Variants in UGT2A3 observed in about 807,000 individuals in gnomAD.
UGT2A3 encodes the protein UDP-glucuronosyltransferase 2A3.
In UGT2A3, 55 loss-of-function variants were observed where a neutral mutation model predicts 44.1. That is an observed-to-expected ratio of 1.25 (90% CI 1.00 to 1.56). The LOEUF (loss-of-function observed/expected upper bound fraction) is 1.56, where lower values mean the gene tolerates loss of function less well. UGT2A3 is among the 40% of genes most tolerant of loss of function. The probability of loss-of-function intolerance (pLI) is 0.00; values close to 1 mark genes in which losing one functional copy is unlikely to be tolerated. For missense variants in UGT2A3, 733 were observed against 621.6 expected (o/e 1.18, Z -1.91); for synonymous variants, 243 against 215.1 (o/e 1.13, Z -1.13).
At chr4:68,939,116 A>G (rs1345040902) in intron 2 of UGT2A3, among the ~76,000 whole-genome samples, 1 of 152,206 alleles carries the variant, frequency 6.6e-6, no homozygotes, top group East Asian at 1.9e-4. Context: ...GAAAATGGAC[A>G]TACTGTCCAA....
chr4:68,932,051 C>T (rs1717756838), intron 3 of UGT2A3, among the ~76,000 whole-genome samples: 1 of 151,658 alleles, frequency 6.6e-6, no homozygotes, highest in African/African-American at 2.4e-5. Context: ...GTGTGAAATT[C>T]TAGAATTACA....
chr4:68,941,091 T>C (rs1718171079), intron 2 of UGT2A3, among the ~76,000 whole-genome samples: 1 of 151,696 alleles, frequency 6.6e-6, no homozygotes, highest in South Asian at 2.1e-4. Context: ...CTAGTTGTTT[T>C]ACAAAACCTG....
intron 1 of UGT2A3, among the ~76,000 whole-genome samples, chr4:68,950,431 C>G (rs1307218310): frequency 3.3e-5 from 5 of 151,794 alleles, no homozygotes; most frequent in Non-Finnish European, 2.9e-5. Flanking sequence ...CAGCTCTGAT[C>G]ACAACTATAT....
intron 5 of UGT2A3, among the ~76,000 whole-genome samples, 179 bp from the exon 6 acceptor site, chr4:68,930,271 T>A (rs987237065): frequency 6.6e-6 from 1 of 152,052 alleles, no homozygotes; most frequent in African/African-American, 2.4e-5. Context: ...GTGGAGAGAC[T>A]GAAAGAGTAT....
chr4:68,945,346 A>G lies in UGT2A3; in HGVS notation c.824T>C (p.Val275Ala). Residue 275 changes from valine to alanine, a missense_variant, in exon 2 of 6, where the codon GTT becomes GCT. Transcript: ENST00000251566. ...GGCAGGTTTACAGTGCAATCCTCCA[A>G]CAAACTCAAAGTTAGGTTGGTATGG... ...PQPYQPNFEF[V>A]GGLHCKPAKA... The G allele has an allele frequency of 6.2e-7, 1 of 1,611,552 alleles. No homozygotes were observed. Among genetic ancestry groups the G allele is most frequent in the Admixed American group, 1.7e-5 (1 of 59,714 alleles).
At chr4:68,930,221 G>A in intron 5 of UGT2A3, 129 bp from the exon 6 acceptor site, 7 of 1,093,212 alleles carry the variant, frequency 6.4e-6, no homozygotes, top group Non-Finnish European at 9.1e-6. Flanking sequence ...TTCTGGTTGT[G>A]ACATGAATAT....
At chr4:68,942,733 A>C (rs1481800013) in intron 2 of UGT2A3, among the ~76,000 whole-genome samples, 1 of 151,466 alleles carries the variant, frequency 6.6e-6, no homozygotes, top group African/African-American at 2.4e-5. Flanking sequence ...AGAGAGTAGA[A>C]TTGTGGTTAC....
rs989706460 is a variant in UGT2A3 at position 68,928,469 on chromosome 4, A to G, written c.*1344T>C. 6 of 152,128 alleles carry G rather than the reference A, an allele frequency of 3.9e-5. No individual in the cohort carries two copies. The highest frequency in any genetic ancestry group is 8.8e-5 in the Non-Finnish European group (6 of 68,014). 9.4% of individuals were successfully genotyped at this position (152,128 alleles called of 1,614,324 possible). ...GTGTAAAAACTTAAGAAACTTTCAAAACAGTAAACAATTTTATTTATATTT... is the reference window on the plus strand; with the variant it reads ...GTGTAAAAACTTAAGAAACTTTCAAGACAGTAAACAATTTTATTTATATTT... On this transcript the variant is annotated 3_prime_UTR_variant, in exon 6 of 6. Coordinates refer to ENST00000251566, the MANE Select transcript of UGT2A3 (RefSeq NM_024743.4).
At chr4:68,950,886 T>C (rs1718557391) in intron 1 of UGT2A3, among the ~76,000 whole-genome samples, 160 bp downstream of exon 1, 1 of 151,934 alleles carries the variant, frequency 6.6e-6, no homozygotes, top group Non-Finnish European at 1.5e-5. Context: ...AAGTAGGTTA[T>C]CTTACGCTTA....
At chr4:68,950,966 T>C (rs890409394) in intron 1 of UGT2A3, 80 bp downstream of exon 1, 2 of 969,388 alleles carry the variant, frequency 2.1e-6, no homozygotes, top group Non-Finnish European at 2.9e-6. Flanking sequence ...CCTGCATATA[T>C]ATGTCATAGA....
intron 3 of UGT2A3, among the ~76,000 whole-genome samples, 172 bp from the exon 4 acceptor site, chr4:68,931,414 A>G (rs1166939035): frequency 7.9e-5 from 12 of 152,046 alleles, no homozygotes; most frequent in Admixed American, 5.2e-4. Context: ...TTTTACAAAG[A>G]TCTTTTAAAA....
At chr4:68,947,758 G>A (rs2109796003) in intron 1 of UGT2A3, among the ~76,000 whole-genome samples, 1 of 151,888 alleles carries the variant, frequency 6.6e-6, no homozygotes, top group African/African-American at 2.4e-5. Context: ...ATTAATATCT[G>A]TACATCTTAA....
At chr4:68,932,904 C>A in intron 2 of UGT2A3, 145 bp from the exon 3 acceptor site, 1 of 798,090 alleles carries the variant, frequency 1.3e-6, no homozygotes, top group Admixed American at 2.9e-5. Context: ...ACAGAACTAT[C>A]TAGTCTCTTT....
At chr4:68,945,225 C>T in intron 2 of UGT2A3, 81 bp downstream of exon 2, 4 of 1,530,258 alleles carry the variant, frequency 2.6e-6, no homozygotes, top group Non-Finnish European at 2.7e-6. Context: ...CATCATCCTT[C>T]TATAACTAAG....
chr4:68,946,803 G>T (rs1024785918), intron 1 of UGT2A3, among the ~76,000 whole-genome samples: 1 of 151,544 alleles, frequency 6.6e-6, no homozygotes, highest in Admixed American at 6.6e-5. Context: ...AAAGGAATAT[G>T]CCAATAAAGT....
At position 68,929,564 on chromosome 4, in the gene UGT2A3, A is replaced by ATTTTC. The variant is rs1717640344; in HGVS notation, c.*248_*249insGAAAA. ...ATGACATCATCAAAACAGTCATATCAGAAATAGGAAAATTTAGATGTATTC... is the reference window on the plus strand; with the variant it reads ...ATGACATCATCAAAACAGTCATATCATTTTCGAAATAGGAAAATTTAGATGTATTC... On this transcript the variant is annotated 3_prime_UTR_variant, in exon 6 of 6. Coordinates refer to ENST00000251566, the MANE Select transcript of UGT2A3 (RefSeq NM_024743.4). 2 of 344,936 alleles carry ATTTTC rather than the reference A, an allele frequency of 5.8e-6. No individual in the cohort carries two copies. Among genetic ancestry groups the ATTTTC allele is most frequent in the Non-Finnish European group, 1.1e-5 (2 of 189,022 alleles). The allele number at this position is 344,936 out of a possible 1,614,324, so 21.4% of individuals were successfully genotyped here. A position where few individuals can be genotyped will look rare whatever the true frequency, so the allele number is the denominator to read the frequency against.
At position 68,930,692 on chromosome 4, in the gene UGT2A3, G is replaced by C; in HGVS notation, c.1158C>G (p.Val386=). The change falls in exon 5 of 6, where the codon GTC becomes GTG. Residue 386 remains valine, a synonymous_variant. Transcript: ENST00000251566. ...CAAATATGGGAACTCCCACCATAGG[G>C]ACCCCATGGTAAATAGCTTCATAGA... The part of the protein sequence containing the change: ...NGIYEAIYHG[V]PMVGVPIFGD... The C allele has an allele frequency of 6.2e-7, 1 of 1,613,202 alleles. No individual in the cohort carries two copies. The highest frequency in any genetic ancestry group is 8.5e-7 in the Non-Finnish European group (1 of 1,179,514).
chr4:68,945,983 T>G (rs1022398700), intron 1 of UGT2A3, among the ~76,000 whole-genome samples: 1 of 151,610 alleles, frequency 6.6e-6, no homozygotes, highest in Non-Finnish European at 1.5e-5. Context: ...CTTGCTGTAT[T>G]GCATATCATT....
At position 68,928,743 on chromosome 4, in the gene UGT2A3, G is replaced by A. The variant is rs1156500186; in HGVS notation, c.*1070C>T. The A allele has an allele frequency of 2.0e-5, 3 of 151,790 alleles. No individual in the cohort carries two copies. Among genetic ancestry groups the A allele is most frequent in the Non-Finnish European group, 4.4e-5 (3 of 67,866 alleles). 9.4% of individuals were successfully genotyped at this position (151,790 alleles called of 1,614,324 possible). A position where few individuals can be genotyped will look rare whatever the true frequency, so the allele number is the denominator to read the frequency against. Reference sequence around the variant, plus strand: ...ACATTATTACACTATATTTAGCTTTGTGTAGAGCTTTACATATCAAAATAT... The same window carrying A: ...ACATTATTACACTATATTTAGCTTTATGTAGAGCTTTACATATCAAAATAT... On this transcript the variant is annotated 3_prime_UTR_variant, in exon 6 of 6. Coordinates refer to ENST00000251566, the MANE Select transcript of UGT2A3 (RefSeq NM_024743.4).
Sources: allele counts gnomAD v4.1 joint callset (sites outside exome capture counted in the v4.1 genomes callset), GRCh38; gene constraint gnomAD v4.1.1; transcripts MANE v1.5; gene names NCBI Gene and HGNC (gene_info 2026-07-23, HGNC 2026-07-21).